The following CNTN1 variants were observed in gnomAD, a reference collection of about 807,000 sequenced individuals.
CNTN1 encodes contactin-1.
Under a neutral mutation model 126.4 loss-of-function variants are expected in CNTN1, and 38 were observed. That is an observed-to-expected ratio of 0.30 (90% CI 0.23 to 0.39). The LOEUF is 0.39. Among genes scored for constraint, CNTN1 ranks in the 10% least tolerant of loss-of-function variants. The pLI, the probability that CNTN1 is intolerant of heterozygous loss-of-function variation, is 1.00. For synonymous variants in CNTN1, 413 were observed against 422.6 expected (o/e 0.98, Z 0.28); for missense variants, 1,009 against 1,248.4 (o/e 0.81, Z 2.89).
chr12:40,961,330 T>C (rs1947100416), intron 15 of CNTN1, among the ~76,000 whole-genome samples: 1 of 151,988 alleles, frequency 6.6e-6, no homozygotes. Context: ...TAGTCAAATA[T>C]ATTTGACTAT....
chr12:40,971,719 A>C (rs1947518279), intron 15 of CNTN1: 3 of 1,335,128 alleles, frequency 2.2e-6, no homozygotes, highest in Non-Finnish European at 2.9e-6. Context: ...AATACCTTAA[A>C]AATGCCTAGT....
At chr12:40,738,367 G>T (rs1167070540) in intron 1 of CNTN1, among the ~76,000 whole-genome samples, 1 of 151,928 alleles carries the variant, frequency 6.6e-6, no homozygotes, top group Non-Finnish European at 1.5e-5. Flanking sequence ...ATAAAATCAA[G>T]TCCATTAGAA....
chr12:40,971,464 T>C (rs997371658), intron 15 of CNTN1: 28 of 1,596,790 alleles, frequency 1.8e-5, no homozygotes, highest in Non-Finnish European at 2.4e-5. Context: ...GAGAAAAACA[T>C]GGTGGATTCC....
In CNTN1 at chr12:41,070,186, A is replaced by G; in HGVS notation, c.*151A>G. 2.8e-6 allele frequency: 2 copies of G among 711,988 alleles called. No individual in the cohort carries two copies. Among genetic ancestry groups the G allele is most frequent in the Non-Finnish European group, 5.0e-6 (2 of 400,296 alleles). The allele number at this position is 711,988 out of a possible 1,614,324, so 44.1% of individuals were successfully genotyped here. On this transcript the variant is annotated 3_prime_UTR_variant, in exon 24 of 24. Coordinates refer to ENST00000551295, the MANE Select transcript of CNTN1 (RefSeq NM_001843.4). Reference sequence around the variant, plus strand: ...ATTCAACTGATTTACAACACACATGATGACTGAGGCATTCGGGAACCCCTT... The same window carrying G: ...ATTCAACTGATTTACAACACACATGGTGACTGAGGCATTCGGGAACCCCTT...
chr12:40,848,382 A>C (rs1415406940), intron 1 of CNTN1, among the ~76,000 whole-genome samples: 1 of 152,090 alleles, frequency 6.6e-6, no homozygotes, highest in Non-Finnish European at 1.5e-5. Flanking sequence ...AATTCCTTTC[A>C]TATTGTTACC....
chr12:41,038,581 T>G (rs1279501947), intron 23 of CNTN1, among the ~76,000 whole-genome samples: 1 of 152,092 alleles, frequency 6.6e-6, no homozygotes, highest in Non-Finnish European at 1.5e-5. Context: ...TCTGAGGTAC[T>G]AGGGGGTTAG....
At chr12:40,941,670 G>A (rs564623293) in intron 12 of CNTN1, among the ~76,000 whole-genome samples, 4 of 152,076 alleles carry the variant, frequency 2.6e-5, no homozygotes, top group African/African-American at 7.2e-5. Flanking sequence ...TAGCTCTAAG[G>A]TCACTTTTAT....
chr12:40,737,387 T>TATATATATATATA (rs1555148100), intron 1 of CNTN1, among the ~76,000 whole-genome samples: 1 of 52,102 alleles, frequency 1.9e-5, no homozygotes, highest in Non-Finnish European at 4.5e-5. Context: ...ATATATGAGT[T>TATATATATATATA]TATTAAGTAT....
intron 1 of CNTN1, among the ~76,000 whole-genome samples, chr12:40,848,383 T>C (rs980552862): frequency 2.6e-5 from 4 of 152,194 alleles, no homozygotes; most frequent in African/African-American, 9.6e-5. Flanking sequence ...ATTCCTTTCA[T>C]ATTGTTACCT....
Position 41,025,163 on chromosome 12 carries a change from C to T in CNTN1, c.2537C>T (p.Ala846Val), listed in dbSNP as rs1390271155. The T allele has an allele frequency of 1.2e-6, 2 of 1,613,840 alleles. No homozygotes were observed. Among genetic ancestry groups the T allele is most frequent in the Non-Finnish European group, 1.7e-6 (2 of 1,179,854 alleles). Residue 846 changes from alanine (A) to valine (V), a missense_variant, in exon 21 of 24, where the codon GCT becomes GTT. Coordinates refer to ENST00000551295, the MANE Select transcript of CNTN1 (RefSeq NM_001843.4). ...GAATGTTTGCAGATTCGGTATTGGG[C>T]TGCCCATGACAAAGAAGAAGCTGCA... Reference protein sequence around the residue: ...IVESYQIRYWAAHDKEEAANR... With the variant: ...IVESYQIRYWVAHDKEEAANR...
intron 19 of CNTN1, among the ~76,000 whole-genome samples, chr12:41,017,735 C>T (rs544071944): frequency 6.6e-6 from 1 of 152,200 alleles, no homozygotes; most frequent in South Asian, 2.1e-4. Context: ...AGCATAATTA[C>T]ATTATTTTCT....
intron 1 of CNTN1, chr12:40,896,216 C>T (rs1397017789): frequency 6.6e-6 from 1 of 152,092 alleles, no homozygotes; most frequent in Non-Finnish European, 1.5e-5. Flanking sequence ...TACACTTATG[C>T]ACATGTATTT....
intron 1 of CNTN1, among the ~76,000 whole-genome samples, chr12:40,816,631 G>A (rs530070886): frequency 1.3e-5 from 2 of 151,146 alleles, no homozygotes; most frequent in African/African-American, 4.9e-5. Context: ...GGTTTTTCGT[G>A]TCTCTGTTTC....
intron 1 of CNTN1, among the ~76,000 whole-genome samples, chr12:40,764,869 C>T (rs1939014712): frequency 6.6e-6 from 1 of 152,094 alleles, no homozygotes. Context: ...CAGCATATTG[C>T]TTAATTTACC....
intron 1 of CNTN1, among the ~76,000 whole-genome samples, chr12:40,749,853 G>A (rs1296117276): frequency 6.6e-6 from 1 of 151,898 alleles, no homozygotes; most frequent in African/African-American, 2.4e-5. Flanking sequence ...TGGTGAAAGA[G>A]AAGAGTTGGA....
intron 23 of CNTN1, among the ~76,000 whole-genome samples, chr12:41,031,061 G>A (rs911136577): frequency 6.6e-6 from 1 of 152,128 alleles, no homozygotes; most frequent in Non-Finnish European, 1.5e-5. Flanking sequence ...GCGAGCTTTT[G>A]CTCTCTGTAC....
intron 17 of CNTN1, among the ~76,000 whole-genome samples, chr12:41,008,648 A>C (rs1948566571): frequency 6.6e-6 from 1 of 152,148 alleles, no homozygotes; most frequent in African/African-American, 2.4e-5. Flanking sequence ...CCTTCTTTTT[A>C]AACAACCAAC....
chr12:40,948,258 C>CTTTTTTTTTTTTTTTT (rs58087551), intron 14 of CNTN1, among the ~76,000 whole-genome samples: 4 of 62,684 alleles, frequency 6.4e-5, no homozygotes, highest in Non-Finnish European at 8.5e-5. Context: ...TTCTTTCTTT[C>CTTTTTTTTTTTTTTTT]TTTTTTTTTT....
At chr12:40,717,185 G>A (rs1942072469) in intron 1 of CNTN1, among the ~76,000 whole-genome samples, 1 of 152,110 alleles carries the variant, frequency 6.6e-6, no homozygotes, top group Non-Finnish European at 1.5e-5. Flanking sequence ...CCCAGTACAA[G>A]CAAAAAGTTG....
Sources: gnomAD v4.1 joint callset for allele counts (sites outside exome capture counted in the v4.1 genomes callset) on GRCh38, gnomAD v4.1.1 for gene constraint, MANE v1.5 for transcripts, NCBI Gene and HGNC (gene_info 2026-07-23, HGNC 2026-07-21) for gene names.